The following COL19A1 variants were observed in gnomAD, a reference collection of about 807,000 sequenced individuals.
The protein encoded by COL19A1 is collagen type XIX alpha 1 chain.
A neutral mutation model predicts 190.2 loss-of-function variants in COL19A1; 159 were observed. The observed-to-expected ratio is 0.84, with a 90% CI of 0.73 to 0.95. COL19A1 has a LOEUF of 0.95. Among genes scored for constraint, COL19A1 ranks in the 40% least tolerant of loss-of-function variants. The pLI, the probability that COL19A1 is intolerant of heterozygous loss-of-function variation, is 0.00. For missense variants in COL19A1, 1,418 were observed against 1,431.9 expected (o/e 0.99, Z 0.16); for synonymous variants, 509 against 458.9 (o/e 1.11, Z -1.39).
chr6:70,077,754 A>G (rs1317835293), intron 15 of COL19A1, among the ~76,000 whole-genome samples: 1 of 152,240 alleles, frequency 6.6e-6, no homozygotes, highest in East Asian at 1.9e-4. Flanking sequence ...AGATGACTGC[A>G]GAGTATCTAC....
intron 14 of COL19A1, among the ~76,000 whole-genome samples, chr6:70,038,288 C>T (rs983943946): frequency 3.9e-5 from 6 of 152,188 alleles, no homozygotes; most frequent in African/African-American, 1.4e-4. Flanking sequence ...TATTGGGGCT[C>T]CACCCCCAGA....
intron 14 of COL19A1, among the ~76,000 whole-genome samples, chr6:70,043,620 C>T (rs1454575643): frequency 6.6e-6 from 1 of 152,166 alleles, no homozygotes; most frequent in Non-Finnish European, 1.5e-5. Flanking sequence ...ACCATCAGAG[C>T]CCTTGGGTTA....
At chr6:69,989,844 A>G (rs567162941) in intron 11 of COL19A1, among the ~76,000 whole-genome samples, 1 of 152,254 alleles carries the variant, frequency 6.6e-6, no homozygotes, top group Non-Finnish European at 1.5e-5. Context: ...AAAGCAGAGT[A>G]GTAGTACCTA....
intron 11 of COL19A1, among the ~76,000 whole-genome samples, chr6:69,973,199 T>A (rs1164474824): frequency 6.6e-6 from 1 of 152,148 alleles, no homozygotes. Flanking sequence ...TTTACTCCAT[T>A]TATCCTATTT....
intron 14 of COL19A1, among the ~76,000 whole-genome samples, chr6:70,060,381 G>A (rs1780754431): frequency 6.6e-6 from 1 of 152,028 alleles, no homozygotes; most frequent in Admixed American, 6.6e-5. Flanking sequence ...CTACAGCAGG[G>A]GTCCCCAACC....
intron 11 of COL19A1, among the ~76,000 whole-genome samples, chr6:69,979,095 T>C (rs759425306): frequency 2.0e-5 from 3 of 151,932 alleles, no homozygotes; most frequent in Non-Finnish European, 4.4e-5. Flanking sequence ...AAATCTACCA[T>C]TGAATAAAGC....
At chr6:69,907,473 G>GT (rs1360873375) in intron 4 of COL19A1, among the ~76,000 whole-genome samples, 5 of 151,998 alleles carry the variant, frequency 3.3e-5, no homozygotes, top group African/African-American at 7.2e-5. Flanking sequence ...CAAGAAAGTT[G>GT]TTTTTTTCTG....
At chr6:70,144,392 T>C in intron 24 of COL19A1, 129 bp downstream of exon 24, 1 of 732,598 alleles carries the variant, frequency 1.4e-6, no homozygotes, top group Non-Finnish European at 2.2e-6. Flanking sequence ...AACTACAATG[T>C]AAATGGCACC....
At chr6:69,913,398 G>C (rs1226212563) in intron 4 of COL19A1, among the ~76,000 whole-genome samples, 2 of 152,088 alleles carry the variant, frequency 1.3e-5, no homozygotes, top group East Asian at 3.9e-4. Flanking sequence ...TTTCTGTTTG[G>C]AAGGACAGGC....
chr6:69,900,194 A>T, intron 3 of COL19A1, 45 bp from the exon 4 acceptor site: 1 of 1,249,348 alleles, frequency 8.0e-7, no homozygotes, highest in Non-Finnish European at 1.1e-6. Flanking sequence ...AGAAATTAAC[A>T]TTTCTATTAG....
intron 49 of COL19A1, among the ~76,000 whole-genome samples, chr6:70,205,269 A>C (rs770838410): frequency 1.3e-5 from 2 of 152,372 alleles, no homozygotes; most frequent in African/African-American, 2.4e-5. Flanking sequence ...TTACATTGCC[A>C]ATGTTGTTCA....
At chr6:70,045,787 A>C (rs1301305669) in intron 14 of COL19A1, among the ~76,000 whole-genome samples, 1 of 152,214 alleles carries the variant, frequency 6.6e-6, no homozygotes, top group Admixed American at 6.5e-5. Flanking sequence ...CTCTGTCCTC[A>C]GATTTTTCAA....
chr6:69,904,635 G>C (rs547253102), intron 4 of COL19A1, among the ~76,000 whole-genome samples: 29 of 152,294 alleles, frequency 1.9e-4, no homozygotes, highest in Admixed American at 4.6e-4. Flanking sequence ...TGTACCTTTT[G>C]ACAGATCATA....
chr6:70,063,983 T>G (rs972994937), intron 14 of COL19A1, among the ~76,000 whole-genome samples: 8 of 152,038 alleles, frequency 5.3e-5, no homozygotes, highest in African/African-American at 7.2e-5. Context: ...AGGCAATAAT[T>G]AATAGCTTAC....
chr6:69,941,847 C>A (rs1400463408), intron 9 of COL19A1, among the ~76,000 whole-genome samples: 2 of 152,090 alleles, frequency 1.3e-5, no homozygotes, highest in Non-Finnish European at 2.9e-5. Flanking sequence ...CGCCATCATG[C>A]CTGGCTAATT....
At chr6:70,010,417 G>A (rs1353769182) in intron 11 of COL19A1, among the ~76,000 whole-genome samples, 2 of 147,180 alleles carry the variant, frequency 1.4e-5, no homozygotes, top group African/African-American at 5.0e-5. Flanking sequence ...CGACGCAGAA[G>A]ACGGTGATTT....
At chr6:70,030,035 T>C (rs1778962163) in intron 12 of COL19A1, among the ~76,000 whole-genome samples, 1 of 152,220 alleles carries the variant, frequency 6.6e-6, no homozygotes, top group Admixed American at 6.5e-5. Flanking sequence ...ATTCGTCTTC[T>C]GACTCTGCTG....
Position 70,207,363 on chromosome 6 carries a change from G to GGTT in COL19A1, c.*89_*90insGTT. 2 of 409,324 alleles carry GGTT rather than the reference G, an allele frequency of 4.9e-6. No homozygotes were observed. Among genetic ancestry groups the GGTT allele is most frequent in the Non-Finnish European group, 6.6e-6 (2 of 305,092 alleles). The allele number at this position is 409,324 out of a possible 1,614,324, so 25.4% of individuals were successfully genotyped here. ...GTCAAACCCTCATCATCTGTGGGTT[G>GGTT]CTTTTTTTTTTTTTTTTTTTTTTTG... On this transcript the variant is annotated 3_prime_UTR_variant, in exon 51 of 51. Transcript: ENST00000620364.
chr6:69,968,929 A>G (rs1775267832), intron 11 of COL19A1, among the ~76,000 whole-genome samples: 1 of 152,150 alleles, frequency 6.6e-6, no homozygotes. Context: ...TTTATTTTGA[A>G]AGTGATGGTG....
Sources: gnomAD v4.1 joint callset for allele counts (sites outside exome capture counted in the v4.1 genomes callset) on GRCh38, gnomAD v4.1.1 for gene constraint, MANE v1.5 for transcripts, NCBI Gene and HGNC (gene_info 2026-07-23, HGNC 2026-07-21) for gene names.